Variants in MFHAS1 observed in about 807,000 individuals in gnomAD.
MFHAS1 encodes malignant fibrous histiocytoma-amplified sequence 1.
MFHAS1 carries 50 observed loss-of-function variants against 70.4 expected under a neutral mutation model. The ratio of observed to expected loss-of-function variants is 0.71; its 90% CI spans 0.57 to 0.90. MFHAS1 has a LOEUF of 0.90. Among genes scored for constraint, MFHAS1 ranks in the 40% least tolerant of loss-of-function variants. The pLI, the probability that MFHAS1 is intolerant of heterozygous loss-of-function variation, is 0.00. For missense variants in MFHAS1, 1,795 were observed against 1,347.6 expected, an observed-to-expected ratio of 1.33 and a Z score of -5.20; for synonymous variants, 952 against 620.0, an observed-to-expected ratio of 1.54 and a Z score of -7.96.
intron 1 of MFHAS1, among the ~76,000 whole-genome samples, chr8:8,854,541 C>T (rs938971311): frequency 3.4e-5 from 5 of 148,644 alleles, no homozygotes; most frequent in Non-Finnish European, 5.9e-5. Flanking sequence ...AAAAATTAGC[C>T]AGGTGAGGTG....
intron 2 of MFHAS1, 133 bp downstream of exon 2, chr8:8,797,232 G>C: frequency 1.1e-6 from 1 of 918,320 alleles, no homozygotes; most frequent in Non-Finnish European, 1.6e-6. Context: ...ATGTCATCCA[G>C]AAGAATTATG....
chr8:8,848,376 C>T (rs1454261077), intron 1 of MFHAS1, among the ~76,000 whole-genome samples: 2 of 148,030 alleles, frequency 1.4e-5, no homozygotes, highest in Admixed American at 6.9e-5. Flanking sequence ...TTAAAAAGGG[C>T]CAGTCAGGCC....
intron 1 of MFHAS1, among the ~76,000 whole-genome samples, chr8:8,872,613 G>C (rs1471714625): frequency 6.6e-6 from 1 of 152,144 alleles, no homozygotes; most frequent in Non-Finnish European, 1.5e-5. Context: ...AGATGCATAG[G>C]CTCGGATGCA....
chr8:8,810,501 C>A (rs758522462), intron 1 of MFHAS1, among the ~76,000 whole-genome samples: 15 of 152,178 alleles, frequency 9.9e-5, no homozygotes, highest in Admixed American at 2.0e-4. Context: ...CCTCCTCTTC[C>A]TCCTCCTCAG....
At chr8:8,831,911 C>G (rs555448630) in intron 1 of MFHAS1, among the ~76,000 whole-genome samples, 2 of 152,134 alleles carry the variant, frequency 1.3e-5, no homozygotes, top group African/African-American at 4.8e-5. Flanking sequence ...CGCCCCCAGC[C>G]GTCAATTGAT....
chr8:8,828,143 G>C (rs1455174604), intron 1 of MFHAS1, among the ~76,000 whole-genome samples: 2 of 152,194 alleles, frequency 1.3e-5, no homozygotes, highest in Non-Finnish European at 2.9e-5. Context: ...GAATGTTTCA[G>C]TGAATGATGC....
rs556250393 is a variant in MFHAS1 at position 8,853,573 on chromosome 8, G to GCA, written c.2998+36487_2998+36488insTG. On this transcript the variant is annotated intron_variant, in intron 1 of 2. Coordinates refer to ENST00000276282, the MANE Select transcript of MFHAS1 (RefSeq NM_004225.3). The stretch of plus-strand genomic sequence containing the variant: ...AACCATTAGGTCAGGTCCTAGCTAC[G>GCA]TATATATATTTGAGATGGAGTCTTG... 1.2e-3 allele frequency among the ~76,000 whole-genome samples: 187 copies of GCA among 151,812 alleles called. 1 individual carries two copies. The highest frequency in any genetic ancestry group is 4.0e-3 in the African/African-American group (166 of 41,394).
chr8:8,876,005 A>T (rs1391658651), intron 1 of MFHAS1, among the ~76,000 whole-genome samples: 7 of 152,212 alleles, frequency 4.6e-5, no homozygotes, highest in Non-Finnish European at 5.9e-5. Flanking sequence ...CCACAAACTT[A>T]TCACTCTTCT....
At chr8:8,834,872 T>TA (rs1327782246) in intron 1 of MFHAS1, among the ~76,000 whole-genome samples, 2 of 152,206 alleles carry the variant, frequency 1.3e-5, no homozygotes, top group African/African-American at 4.8e-5. Context: ...CCACTGGATA[T>TA]TTTAAATCTT....
chr8:8,864,440 C>G (rs781180961), intron 1 of MFHAS1, among the ~76,000 whole-genome samples: 15 of 152,176 alleles, frequency 9.9e-5, no homozygotes, highest in Non-Finnish European at 1.6e-4. Flanking sequence ...TCAGAATCAC[C>G]AAGTAAAAAT....
Position 8,890,625 on chromosome 8 carries a change from G to C in MFHAS1, c.2434C>G (p.Gln812Glu), listed in dbSNP as rs913216439. Reference protein sequence around the residue: ...VIRLLLKPHVQAQQDLQLLLE... With the variant: ...VIRLLLKPHVEAQQDLQLLLE... ...AACAGCTGCAAGTCCTGCTGGGCCTGGACATGAGGCTTAAGCAGCAACCGA... is the reference window on the plus strand; with the variant it reads ...AACAGCTGCAAGTCCTGCTGGGCCTCGACATGAGGCTTAAGCAGCAACCGA... The change falls in exon 1 of 3, where the codon CAG becomes GAG. Residue 812 changes from glutamine to glutamate, a missense_variant. Gln to Glu is a conservative substitution (Grantham distance 29, BLOSUM62 2). Transcript: ENST00000276282. 6.2e-7 allele frequency: 1 copy of C among 1,613,944 alleles called. No homozygotes were observed. Among genetic ancestry groups the C allele is most frequent in the Non-Finnish European group, 8.5e-7 (1 of 1,179,980 alleles).
At chr8:8,832,516 C>T (rs1277289229) in intron 1 of MFHAS1, among the ~76,000 whole-genome samples, 2 of 151,710 alleles carry the variant, frequency 1.3e-5, no homozygotes, top group Admixed American at 6.6e-5. Flanking sequence ...CTATCAGAAA[C>T]ACAAACAGAA....
chr8:8,785,737 C>CTT lies in MFHAS1; in HGVS notation c.*283_*284dup, dbSNP rs36026181. 185 of 229,878 alleles carry CTT rather than the reference C, an allele frequency of 8.0e-4. No individual in the cohort carries two copies. Among genetic ancestry groups the CTT allele is most frequent in the Middle Eastern group, 1.4e-3 (1 of 708 alleles). 14.2% of individuals were successfully genotyped at this position (229,878 alleles called of 1,614,324 possible). ...ACAAAATCCCTGAGAAGCCATTCGA[C>CTT]TTTTTTTTTTTTTTTTTCTTTTCTT... is the stretch of plus-strand genomic sequence containing the variant. On this transcript the variant is annotated 3_prime_UTR_variant, in exon 3 of 3. Coordinates refer to ENST00000276282, the MANE Select transcript of MFHAS1 (RefSeq NM_004225.3).
intron 1 of MFHAS1, among the ~76,000 whole-genome samples, chr8:8,845,249 A>G (rs558672064): frequency 6.6e-6 from 1 of 152,384 alleles, no homozygotes; most frequent in South Asian, 2.1e-4. Flanking sequence ...TAGTTCACAT[A>G]AAAGTCAGAA....
intron 1 of MFHAS1, among the ~76,000 whole-genome samples, chr8:8,820,520 C>A (rs1449209146): frequency 6.6e-6 from 1 of 152,188 alleles, no homozygotes; most frequent in Non-Finnish European, 1.5e-5. Context: ...CTTCCCCACC[C>A]TGCCCCTCCA....
At chr8:8,836,896 G>A (rs1350465602) in intron 1 of MFHAS1, among the ~76,000 whole-genome samples, 1 of 152,104 alleles carries the variant, frequency 6.6e-6, no homozygotes, top group Admixed American at 6.6e-5. Flanking sequence ...TTCCGCCGCA[G>A]TGACAGTCAT....
At position 8,813,920 on chromosome 8, in the gene MFHAS1, G is replaced by C. The variant is rs1585029944; in HGVS notation, c.2999-16429C>G. On this transcript the variant is annotated intron_variant, in intron 1 of 2. Transcript: ENST00000276282. ...CATTTATAGTAAGTGCCCTACACAG[G>C]TGTATACCACATTTTTATCTTTTTT... is the stretch of plus-strand genomic sequence containing the variant. Among the ~76,000 whole-genome samples, 3 of 151,690 alleles carry C rather than the reference G, an allele frequency of 2.0e-5. No individual in the cohort carries two copies. The Middle Eastern group carries it at 0.01, about 523-fold the overall frequency.
At chr8:8,863,038 T>C (rs1475127089) in intron 1 of MFHAS1, among the ~76,000 whole-genome samples, 1 of 152,250 alleles carries the variant, frequency 6.6e-6, no homozygotes, top group Non-Finnish European at 1.5e-5. Context: ...GTACAAGGAA[T>C]GACTCAAGGT....
rs1805531541 is a variant in MFHAS1 at position 8,786,061 on chromosome 8, TG to T, written c.3126-7del. Reference sequence around the variant, plus strand: ...GCTTTTCACCAACATTCTTCCTGTATGGGTGGACAACAAGAAAGCACAGAGA... The same window carrying T: ...GCTTTTCACCAACATTCTTCCTGTATGGTGGACAACAAGAAAGCACAGAGA... On this transcript the variant is annotated splice_region_variant and splice_polypyrimidine_tract_variant and intron_variant, in intron 2 of 2. Transcript: ENST00000276282. The T allele has an allele frequency of 6.2e-7, 1 of 1,613,898 alleles. No individual in the cohort carries two copies.
Sources: allele counts gnomAD v4.1 joint callset (sites outside exome capture counted in the v4.1 genomes callset), GRCh38; gene constraint gnomAD v4.1.1; transcripts MANE v1.5; gene names NCBI Gene and HGNC (gene_info 2026-07-23, HGNC 2026-07-21).